Variants in GPR39 observed in about 807,000 individuals in gnomAD.
GPR39 encodes zinc sensing receptor.
Under a neutral mutation model 18.4 loss-of-function variants are expected in GPR39, and 23 were observed. The observed-to-expected ratio is 1.25, with a 90% CI of 0.90 to 1.77. GPR39 has a LOEUF of 1.77. GPR39 is among the 40% of genes most tolerant of loss of function. The pLI, the probability that GPR39 is intolerant of heterozygous loss-of-function variation, is 0.00. For synonymous variants in GPR39, 280 were observed against 257.9 expected (o/e 1.09, Z -0.82); for missense variants, 647 against 602.4 (o/e 1.07, Z -0.78).
intron 1 of GPR39, among the ~76,000 whole-genome samples, chr2:132,549,804 A>G (rs944427553): frequency 1.3e-5 from 2 of 152,202 alleles, no homozygotes; most frequent in African/African-American, 4.8e-5. Flanking sequence ...AAAGAGCTTC[A>G]GATGACTTTC....
At chr2:132,539,017 C>T (rs1239771616) in intron 1 of GPR39, among the ~76,000 whole-genome samples, 1 of 152,168 alleles carries the variant, frequency 6.6e-6, no homozygotes, top group African/African-American at 2.4e-5. Context: ...GTGGGACTTG[C>T]TGAGCGAGAC....
intron 1 of GPR39, among the ~76,000 whole-genome samples, chr2:132,532,850 A>G (rs1234032531): frequency 1.3e-5 from 2 of 152,228 alleles, no homozygotes; most frequent in African/African-American, 4.8e-5. Context: ...ACATCTCAAA[A>G]TAATAAGAGC....
intron 1 of GPR39, among the ~76,000 whole-genome samples, chr2:132,480,714 G>C (rs763076217): frequency 1.3e-5 from 2 of 152,220 alleles, no homozygotes; most frequent in African/African-American, 4.8e-5. Flanking sequence ...TGACTTATGT[G>C]GGGAGATAAG....
intron 1 of GPR39, among the ~76,000 whole-genome samples, chr2:132,644,432 G>A (rs1681944636): frequency 6.6e-6 from 1 of 152,184 alleles, no homozygotes; most frequent in South Asian, 2.1e-4. Context: ...CCCCACATGA[G>A]GGATCTAAAA....
chr2:132,625,193 G>T (rs756938366), intron 1 of GPR39, among the ~76,000 whole-genome samples: 1 of 151,710 alleles, frequency 6.6e-6, no homozygotes, highest in Non-Finnish European at 1.5e-5. Flanking sequence ...AGTACATGGC[G>T]ACGTCTTGCT....
chr2:132,506,540 C>T (rs1679138034), intron 1 of GPR39, among the ~76,000 whole-genome samples: 1 of 152,138 alleles, frequency 6.6e-6, no homozygotes, highest in South Asian at 2.1e-4. Context: ...GTTTAATTGA[C>T]TCACCATTCT....
intron 1 of GPR39, among the ~76,000 whole-genome samples, chr2:132,462,918 T>G (rs1166800663): frequency 6.6e-6 from 1 of 152,236 alleles, no homozygotes; most frequent in East Asian, 1.9e-4. Flanking sequence ...TATAAGTTTA[T>G]AATAATAATG....
intron 1 of GPR39, among the ~76,000 whole-genome samples, chr2:132,431,774 T>C (rs1039430537): frequency 2.0e-5 from 3 of 152,180 alleles, no homozygotes; most frequent in Non-Finnish European, 2.9e-5. Context: ...TACTGTATCT[T>C]AAGTGGTGGG....
intron 1 of GPR39, among the ~76,000 whole-genome samples, chr2:132,462,488 A>G (rs1437301681): frequency 1.3e-5 from 2 of 152,230 alleles, no homozygotes; most frequent in East Asian, 3.8e-4. Context: ...CTGTTAGGCC[A>G]TTCAAGGCCC....
chr2:132,546,579 C>T (rs188325095), intron 1 of GPR39, among the ~76,000 whole-genome samples: 23 of 152,146 alleles, frequency 1.5e-4, no homozygotes, highest in African/African-American at 5.5e-4. Flanking sequence ...ACCCAGTATT[C>T]CTATCACCAG....
At chr2:132,583,035 C>A (rs1483551419) in intron 1 of GPR39, among the ~76,000 whole-genome samples, 1 of 148,678 alleles carries the variant, frequency 6.7e-6, no homozygotes, top group Non-Finnish European at 1.5e-5. Context: ...GTGGCTGGAA[C>A]TACAAGTACC....
At chr2:132,605,334 GGA>G (rs1681115549) in intron 1 of GPR39, among the ~76,000 whole-genome samples, 2 of 152,188 alleles carry the variant, frequency 1.3e-5, no homozygotes, top group Non-Finnish European at 2.9e-5. Context: ...TCCCAGGCAT[GGA>G]GGAAAGCCAT....
chr2:132,492,493 CAT>C (rs1681496977), intron 1 of GPR39, among the ~76,000 whole-genome samples: 1 of 136,958 alleles, frequency 7.3e-6, no homozygotes, highest in Non-Finnish European at 1.6e-5. Context: ...ATATATACAC[CAT>C]ATATACACAC....
rs767550440 is a variant in GPR39 at position 132,645,199 on chromosome 2, T to C, written c.955T>C (p.Phe319Leu). ...CAAGCACGACTGGACGAGGTCCTAC[T>C]TCCGGGCGTACATGATCCTCCTCCC... is the stretch of plus-strand genomic sequence containing the variant. ...KPKHDWTRSY[F>L]RAYMILLPFS... Residue 319 changes from phenylalanine to leucine, a missense_variant, in exon 2 of 2, where the codon TTC becomes CTC. Physicochemically the swap from Phe to Leu is conservative, Grantham distance 22. Transcript: ENST00000329321. 22 of 1,614,070 alleles carry C rather than the reference T, an allele frequency of 1.4e-5. No homozygotes were observed. Among genetic ancestry groups the C allele is most frequent in the Non-Finnish European group, 1.9e-5 (22 of 1,180,042 alleles).
At chr2:132,559,347 G>T (rs999478972) in intron 1 of GPR39, among the ~76,000 whole-genome samples, 1 of 152,136 alleles carries the variant, frequency 6.6e-6, no homozygotes, top group African/African-American at 2.4e-5. Flanking sequence ...TGGAGGGTGA[G>T]GTGTTTGGGG....
At chr2:132,509,362 A>G (rs1679196799) in intron 1 of GPR39, among the ~76,000 whole-genome samples, 1 of 152,164 alleles carries the variant, frequency 6.6e-6, no homozygotes, top group African/African-American at 2.4e-5. Context: ...TCTATAACCC[A>G]AGGATAACCA....
Position 132,646,204 on chromosome 2 carries a change from G to T in GPR39, c.*598G>T. On this transcript the variant is annotated 3_prime_UTR_variant, in exon 2 of 2. Transcript: ENST00000329321. ...TGCAAACTGAGTTCAGTTTCCCTGGGGAGCAGAAGGACTGGTACCCGGCAG... is the reference window on the plus strand; with the variant it reads ...TGCAAACTGAGTTCAGTTTCCCTGGTGAGCAGAAGGACTGGTACCCGGCAG... 1.2e-6 allele frequency: 2 copies of T among 1,606,956 alleles called. No individual in the cohort carries two copies. Among genetic ancestry groups the T allele is most frequent in the Non-Finnish European group, 1.7e-6 (2 of 1,175,998 alleles).
At chr2:132,586,663 C>T (rs530139461) in intron 1 of GPR39, among the ~76,000 whole-genome samples, 4 of 152,184 alleles carry the variant, frequency 2.6e-5, no homozygotes, top group Non-Finnish European at 5.9e-5. Flanking sequence ...ATTTTTAAAC[C>T]ACAAGGTGAT....
chr2:132,475,523 G>A (rs892378848), intron 1 of GPR39, among the ~76,000 whole-genome samples: 5 of 152,022 alleles, frequency 3.3e-5, no homozygotes, highest in Non-Finnish European at 5.9e-5. Context: ...ATGGGGAGAA[G>A]CTTCTTTGGC....
Sources: allele counts gnomAD v4.1 joint callset (sites outside exome capture counted in the v4.1 genomes callset), GRCh38; gene constraint gnomAD v4.1.1; transcripts MANE v1.5; gene names NCBI Gene and HGNC (gene_info 2026-07-23, HGNC 2026-07-21).